CROCC2: variants seen among roughly 807,000 people sequenced by gnomAD.
The protein encoded by CROCC2 is ciliary rootlet coiled-coil, rootletin family member 2, also known as ciliary rootlet coiled-coil protein 2.
Under a neutral mutation model 177.6 loss-of-function variants are expected in CROCC2, and 163 were observed. That is an observed-to-expected ratio of 0.92 (90% CI 0.81 to 1.05). CROCC2 has a LOEUF of 1.05. Ranked by LOEUF, CROCC2 falls within the 50% of genes least tolerant of loss-of-function variation. The pLI, the probability that CROCC2 is intolerant of heterozygous loss-of-function variation, is 0.00. For missense variants in CROCC2, 1,929 were observed against 1,797.8 expected, an observed-to-expected ratio of 1.07 and a Z score of -1.32; for synonymous variants, 904 against 787.3, an observed-to-expected ratio of 1.15 and a Z score of -2.48.
intron 20 of CROCC2, among the ~76,000 whole-genome samples, chr2:240,962,480 G>A (rs1404110957): frequency 6.6e-6 from 1 of 152,164 alleles, no homozygotes; most frequent in Non-Finnish European, 1.5e-5. Context: ...TGGCTCCCAC[G>A]TGTGGGGGTG....
At position 240,964,590 on chromosome 2, in the gene CROCC2, G is replaced by A. The variant is rs763563337; in HGVS notation, c.3430G>A (p.Asp1144Asn). 31 of 1,549,406 alleles carry A rather than the reference G, an allele frequency of 2.0e-5. No individual in the cohort carries two copies. Among genetic ancestry groups the A allele is most frequent in the Non-Finnish European group, 2.6e-5 (30 of 1,146,788 alleles). ...HLWELEQAGG[D>N]ARQELRELHR... ...GTGGGAGCTGGAGCAGGCAGGGGGG[G>A]ACGCCCGTCAGGAGCTCCGGGAACT... The change falls in exon 22 of 32, where the codon GAC becomes AAC. Residue 1144 changes from aspartate (D) to asparagine (N), a missense_variant. Around this residue, in one of 3 missense-constraint regions of CROCC2, gnomAD observed 1,397 missense variants for 1,239.9 expected, o/e 1.13. Coordinates refer to ENST00000690015, the MANE Select transcript of CROCC2 (RefSeq NM_001351305.2).
intron 18 of CROCC2, among the ~76,000 whole-genome samples, chr2:240,952,783 A>T (rs1002592425): frequency 1.3e-5 from 2 of 152,150 alleles, no homozygotes; most frequent in African/African-American, 4.8e-5. Flanking sequence ...AGCAGGCGTG[A>T]TATGATAGGA....
At position 240,933,803 on chromosome 2, in the gene CROCC2, G is replaced by A. The variant is rs1360339431; in HGVS notation, c.1597G>A (p.Glu533Lys). The A allele has an allele frequency of 6.5e-7, 1 of 1,548,558 alleles. No individual in the cohort carries two copies. The highest frequency in any genetic ancestry group is 8.7e-7 in the Non-Finnish European group (1 of 1,146,754). The part of the protein sequence containing the change: ...RSLLLQAERR[E>K]ELALRRERSC... ...CCTCCTGCTGCAGGCAGAGCGGAGG[G>A]AGGAGCTGGCTCTGCGGAGGGAGCG... The change falls in exon 11 of 32, where the codon GAG (glutamate) becomes AAG (lysine). Residue 533 changes from glutamate to lysine, a missense_variant. Glu to Lys is a moderately conservative substitution (Grantham distance 56). Coordinates refer to ENST00000690015, the MANE Select transcript of CROCC2 (RefSeq NM_001351305.2).
rs971819735 is a variant in CROCC2, at chr2:240,949,480, G to C, written c.2483-53G>C. On this transcript the variant is annotated intron_variant, in intron 16 of 31. Coordinates refer to ENST00000690015, the MANE Select transcript of CROCC2 (RefSeq NM_001351305.2). This position sits in a 1 kb window ranked among gnomAD's most constrained non-coding sequence, Gnocchi z 4.5. ...TGTCACTCCCTAGGAAGTCCCAAAG[G>C]GTTCAGGGGTCCACATGCCAGGCCC... is the stretch of plus-strand genomic sequence containing the variant. The C allele has an allele frequency of 4.2e-5, 65 of 1,533,082 alleles. No individual in the cohort carries two copies. The highest frequency in any genetic ancestry group is 5.4e-5 in the Non-Finnish European group (61 of 1,133,710). 95.0% of individuals were successfully genotyped at this position (1,533,082 alleles called of 1,614,324 possible). A position where few individuals can be genotyped will look rare whatever the true frequency, so the allele number is the denominator to read the frequency against.
chr2:240,983,431 C>G (rs772129294), intron 28 of CROCC2: 20 of 1,275,342 alleles, frequency 1.6e-5, no homozygotes, highest in Non-Finnish European at 2.0e-5. Flanking sequence ...CCCAGGTGCT[C>G]TGCAGGCCGC....
chr2:240,949,191 C>G lies in CROCC2; in HGVS notation c.2482+94C>G. On this transcript the variant is annotated intron_variant, in intron 16 of 31. Transcript: ENST00000690015. This position sits in a 1 kb window ranked among gnomAD's most constrained non-coding sequence, Gnocchi z 4.5. Reference sequence around the variant, plus strand: ...TCAGTGCCCACACGTGCTGCACCCCCTCTCCGGAGCCCACAGGGGCATGAA... The same window carrying G: ...TCAGTGCCCACACGTGCTGCACCCCGTCTCCGGAGCCCACAGGGGCATGAA... The G allele has an allele frequency of 1.4e-6, 2 of 1,446,686 alleles. No homozygotes were observed. The highest frequency in any genetic ancestry group is 1.8e-6 in the Non-Finnish European group (2 of 1,104,704). The allele number at this position is 1,446,686 out of a possible 1,614,324, so 89.6% of individuals were successfully genotyped here. A position where few individuals can be genotyped will look rare whatever the true frequency, so the allele number is the denominator to read the frequency against.
At position 240,972,620 on chromosome 2, in the gene CROCC2, TTGTC is replaced by T. The variant is rs2059729662; in HGVS notation, c.4401+4362_4401+4365del. ...GACGTCTCTGACATTGACCAGACCTTTGTCTGTATGCATTTTTCTGCTTGGTCTA... is the reference window on the plus strand; with the variant it reads ...GACGTCTCTGACATTGACCAGACCTTTGTATGCATTTTTCTGCTTGGTCTA... On this transcript the variant is annotated intron_variant, in intron 27 of 31. Coordinates refer to ENST00000690015, the MANE Select transcript of CROCC2 (RefSeq NM_001351305.2). This position sits in a 1 kb window ranked among gnomAD's most constrained non-coding sequence, Gnocchi z 7.1. 6.6e-6 allele frequency among the ~76,000 whole-genome samples: 1 copy of T among 151,748 alleles called. No homozygotes were observed. The highest frequency in any genetic ancestry group is 1.5e-5 in the Non-Finnish European group (1 of 67,968).
intron 13 of CROCC2, 52 bp downstream of exon 13, chr2:240,935,114 G>T: frequency 1.5e-6 from 2 of 1,329,758 alleles, no homozygotes; most frequent in South Asian, 2.2e-5. Flanking sequence ...TTCCCAGGTG[G>T]CTGTGGGTCT....
Position 240,953,027 on chromosome 2 carries a change from C to T in CROCC2, c.2829+2517C>T, listed in dbSNP as rs1357258678. Among the ~76,000 whole-genome samples, 3 of 152,286 alleles carry T rather than the reference C, an allele frequency of 2.0e-5. No homozygotes were observed. The highest frequency in any genetic ancestry group is 7.2e-5 in the African/African-American group (3 of 41,564). Reference sequence around the variant, plus strand: ...CGCAGCCCCTCATTCCCATCCGAGACCAACCACTGGGCAACGTGGCCTGTT... The same window carrying T: ...CGCAGCCCCTCATTCCCATCCGAGATCAACCACTGGGCAACGTGGCCTGTT... On this transcript the variant is annotated intron_variant, in intron 18 of 31. Coordinates refer to ENST00000690015, the MANE Select transcript of CROCC2 (RefSeq NM_001351305.2). The surrounding 1 kb of genome is among the most constrained non-coding windows in gnomAD (Gnocchi z 4.0).
chr2:240,930,403 C>T (rs1220422453), intron 6 of CROCC2, 134 bp downstream of exon 6: 2 of 427,374 alleles, frequency 4.7e-6, no homozygotes, highest in Non-Finnish European at 4.2e-6. Context: ...GGCTTCTCAC[C>T]CAGCCCTGGC....
At chr2:240,916,846 C>T (rs1428795522) in intron 1 of CROCC2, among the ~76,000 whole-genome samples, 1 of 152,142 alleles carries the variant, frequency 6.6e-6, no homozygotes. Flanking sequence ...ATCAAGGAGC[C>T]TGGGGTGCCT....
intron 27 of CROCC2, among the ~76,000 whole-genome samples, chr2:240,976,744 G>T (rs2059769467): frequency 9.6e-6 from 1 of 103,762 alleles, no homozygotes; most frequent in Non-Finnish European, 2.0e-5. Context: ...AGGCTCTGGG[G>T]TAGGAGCCTC....
chr2:240,970,851 C>T (rs2059715464), intron 27 of CROCC2, among the ~76,000 whole-genome samples: 1 of 152,176 alleles, frequency 6.6e-6, no homozygotes, highest in Non-Finnish European at 1.5e-5. Flanking sequence ...AGCCCCCAGT[C>T]CCATAGGTGA....
intron 20 of CROCC2, 92 bp from the exon 21 acceptor site, chr2:240,963,464 C>T (rs2059656415): frequency 6.0e-6 from 8 of 1,334,122 alleles, no homozygotes; most frequent in African/African-American, 1.5e-5. Context: ...GCACCTGTGC[C>T]TGCCACACCA....
chr2:240,928,420 T>TTGTGTGTGTGTGTGTGTGTGTG (rs58145871), intron 5 of CROCC2, among the ~76,000 whole-genome samples: 23 of 147,666 alleles, frequency 1.6e-4, no homozygotes, highest in Admixed American at 4.7e-4. Context: ...TGTGCCTGTT[T>TTGTGTGTGTGTGTGTGTGTGTG]TGTGTGTGTG....
In CROCC2 at chr2:240,966,413, A is replaced by G. The variant is rs2059685145; in HGVS notation, c.4146+4A>G. 1 of 400,842 alleles carries G rather than the reference A, an allele frequency of 2.5e-6. No homozygotes were observed. The highest frequency in any genetic ancestry group is 4.4e-6 in the Non-Finnish European group (1 of 226,478). 24.8% of individuals were successfully genotyped at this position (400,842 alleles called of 1,614,324 possible). A position where few individuals can be genotyped will look rare whatever the true frequency, so the allele number is the denominator to read the frequency against. On this transcript the variant is annotated splice_donor_region_variant and intron_variant, in intron 25 of 31. Transcript: ENST00000690015. ...CCGGGAAGCCCAGCGGGAGCGGGTAATGGGGGCTGGGGTCCTCCCGCCCAC... is the reference window on the plus strand; with the variant it reads ...CCGGGAAGCCCAGCGGGAGCGGGTAGTGGGGGCTGGGGTCCTCCCGCCCAC...
chr2:240,918,241 AAC>A lies in CROCC2; in HGVS notation c.79-477_79-476del, dbSNP rs1462790428. Among the ~76,000 whole-genome samples the A allele has an allele frequency of 2.0e-5, 3 of 151,886 alleles. No individual in the cohort carries two copies. Among genetic ancestry groups the A allele is most frequent in the Admixed American group, 6.5e-5 (1 of 15,276 alleles). ...CATCCTCAGCCCCCACCCCCCAACA[AAC>A]ACACACAAACACACTGGGCTCTGTG... On this transcript the variant is annotated intron_variant, in intron 1 of 31. Coordinates refer to ENST00000690015, the MANE Select transcript of CROCC2 (RefSeq NM_001351305.2). The surrounding 1 kb of genome is among the most constrained non-coding windows in gnomAD (Gnocchi z 6.3).
intron 31 of CROCC2, 102 bp downstream of exon 31, chr2:240,991,380 G>C (rs938521983): frequency 8.8e-6 from 9 of 1,018,562 alleles, no homozygotes; most frequent in African/African-American, 1.6e-5. Context: ...TAGGCTGCTG[G>C]GGGAACCACT....
At chr2:240,967,590 G>C in intron 26 of CROCC2, 125 bp downstream of exon 26, 1 of 1,485,910 alleles carries the variant, frequency 6.7e-7, no homozygotes, top group Non-Finnish European at 9.0e-7. Context: ...GGGAGCCTGG[G>C]GGCAACACCC....
Sources: gnomAD v4.1 joint callset for allele counts (sites outside exome capture counted in the v4.1 genomes callset) on GRCh38, gnomAD v4.1.1 for gene constraint, gnomAD v4.1.1 regional missense constraint, Gnocchi (gnomAD v3.1) non-coding constraint, MANE v1.5 for transcripts, NCBI Gene and HGNC (gene_info 2026-07-23, HGNC 2026-07-21) for gene names.